G3BP1: variants seen among roughly 807,000 people sequenced by gnomAD.
G3BP1 encodes ras GTPase-activating protein-binding protein 1.
In G3BP1, 35 loss-of-function variants were observed where a neutral mutation model predicts 58.6. The observed-to-expected ratio is 0.60, with a 90% confidence interval of 0.46 to 0.79. The LOEUF (loss-of-function observed/expected upper bound fraction) is 0.79. G3BP1 is among the 30% of genes least tolerant of loss of function. The pLI is 0.00. For missense variants in G3BP1, 523 were observed against 580.8 expected, an observed-to-expected ratio of 0.90 and a Z score of 1.02; for synonymous variants, 191 against 195.4, an observed-to-expected ratio of 0.98 and a Z score of 0.19.
At position 151,799,236 on chromosome 5, in the gene G3BP1, A is replaced by C; in HGVS notation, c.766A>C (p.Ser256Arg). The change falls in exon 8 of 12, where the codon AGT becomes CGT. Residue 256 changes from serine to arginine, a missense_variant. Physicochemically the swap from Ser to Arg is moderately radical, Grantham distance 110. Coordinates refer to ENST00000356245, the MANE Select transcript of G3BP1 (RefSeq NM_005754.3). ...GACATTTTCTTGGGCATCTGTGACCAGTAAGAATCTTCCACCCAGTGGAGC... is the reference window on the plus strand; with the variant it reads ...GACATTTTCTTGGGCATCTGTGACCCGTAAGAATCTTCCACCCAGTGGAGC... ...LRTFSWASVT[S>R]KNLPPSGAVP... The C allele has an allele frequency of 6.3e-7, 1 of 1,593,206 alleles. No homozygotes were observed. Among genetic ancestry groups the C allele is most frequent in the Non-Finnish European group, 8.6e-7 (1 of 1,160,914 alleles).
chr5:151,790,180 A>C, intron 2 of G3BP1, 143 bp from the exon 3 acceptor site: 1 of 459,726 alleles, frequency 2.2e-6, no homozygotes, highest in Non-Finnish European at 4.0e-6. Context: ...GCAATGAGCT[A>C]TGATTGCATC....
At chr5:151,797,546 TTTCAGGGAAATTTCTTAGATATTGA>T in intron 7 of G3BP1, 118 bp downstream of exon 7, 1 of 1,121,564 alleles carries the variant, frequency 8.9e-7, no homozygotes, top group Non-Finnish European at 1.2e-6. Context: ...TGGTGGTTCA[TTTCAGGGAAATTTCTTAGATATTGA>T]GCCATATGTT....
In G3BP1 at chr5:151,811,304, C is replaced by G. The variant is rs878987851; in HGVS notation, c.*7213C>G. The G allele has an allele frequency of 6.6e-6, 1 of 152,208 alleles. No individual in the cohort carries two copies. The highest frequency in any genetic ancestry group is 1.5e-5 in the Non-Finnish European group (1 of 68,036). The allele number at this position is 152,208 out of a possible 1,614,324, so 9.4% of individuals were successfully genotyped here. On this transcript the variant is annotated 3_prime_UTR_variant, in exon 12 of 12. Transcript: ENST00000356245. The stretch of plus-strand genomic sequence containing the variant: ...TTATGGGCAGGATCTGTGTCTGAGT[C>G]ATCTTTGTATCTTGCCTAGCACCTA...
intron 3 of G3BP1, 106 bp downstream of exon 3, chr5:151,790,510 A>G (rs1762632664): frequency 1.8e-6 from 1 of 550,700 alleles, no homozygotes; most frequent in African/African-American, 2.0e-5. Context: ...CCAGTTTCTC[A>G]ACTTTTTAGT....
chr5:151,792,313 A>G (rs1762673279), intron 4 of G3BP1: 1 of 227,610 alleles, frequency 4.4e-6, no homozygotes, highest in Non-Finnish European at 9.0e-6. Context: ...TTAGGATAGC[A>G]AACCTGAAAC....
At position 151,804,073 on chromosome 5, in the gene G3BP1, G is replaced by A. The variant is rs754990675; in HGVS notation, c.1383G>A (p.Gly461=). 79 of 1,606,608 alleles carry A rather than the reference G, an allele frequency of 4.9e-5. No individual in the cohort carries two copies. The highest frequency in any genetic ancestry group is 1.7e-4 in the Middle Eastern group (1 of 6,056). The part of the protein sequence containing the change: ...VQKPGFGVGR[G]LAPRQ Reference sequence around the variant, plus strand: ...AACCAGGATTTGGAGTGGGAAGGGGGCTTGCGCCACGGCAGTGAATCTTCA... The same window carrying A: ...AACCAGGATTTGGAGTGGGAAGGGGACTTGCGCCACGGCAGTGAATCTTCA... Residue 461 remains glycine, a synonymous_variant, in exon 12 of 12, where the codon GGG becomes GGA. Transcript: ENST00000356245.
Position 151,800,249 on chromosome 5 carries a change from A to T in G3BP1, c.987A>T (p.Glu329Asp). The T allele has an allele frequency of 6.2e-7, 1 of 1,612,764 alleles. No homozygotes were observed. Among genetic ancestry groups the T allele is most frequent in the Non-Finnish European group, 8.5e-7 (1 of 1,179,684 alleles). The change falls in exon 10 of 12, where the codon GAA becomes GAT. Residue 329 changes from glutamate to aspartate, a missense_variant. Physicochemically the swap from Glu to Asp is conservative, Grantham distance 45 (BLOSUM62 2). This residue lies in a region of G3BP1 where 398 missense variants were observed against 399.1 expected (regional missense o/e 1.00). Coordinates refer to ENST00000356245, the MANE Select transcript of G3BP1 (RefSeq NM_005754.3). ...IREAGEQGDI[E>D]PRRMVRHPDS... Reference sequence around the variant, plus strand: ...AGGCTGGTGAGCAAGGTGACATTGAACCCCGAAGAATGGTGAGACACCCTG... The same window carrying T: ...AGGCTGGTGAGCAAGGTGACATTGATCCCCGAAGAATGGTGAGACACCCTG...
rs1762924849 is a variant in G3BP1, at chr5:151,805,348, AATTT to A, written c.*1259_*1262del. On this transcript the variant is annotated 3_prime_UTR_variant, in exon 12 of 12. Transcript: ENST00000356245. ...TTTTATTAAAATATTTCTGGAAGAAAATTTAATCTGGCAATATAGACTAATACTC... is the reference window on the plus strand; with the variant it reads ...TTTTATTAAAATATTTCTGGAAGAAAAATCTGGCAATATAGACTAATACTC... The A allele has an allele frequency of 6.6e-6, 1 of 152,540 alleles. No homozygotes were observed. The highest frequency in any genetic ancestry group is 6.6e-5 in the Admixed American group (1 of 15,266). 9.4% of individuals were successfully genotyped at this position (152,540 alleles called of 1,614,324 possible).
Position 151,788,202 on chromosome 5 carries a change from G to GT in G3BP1, c.95+1496dup, listed in dbSNP as rs145497146. 7.9e-3 allele frequency among the ~76,000 whole-genome samples: 1,196 copies of GT among 150,944 alleles called. 101 individuals are homozygous for GT. The East Asian group carries it at 0.17, about 22-fold the overall frequency. On this transcript the variant is annotated intron_variant, in intron 2 of 11. Transcript: ENST00000356245. ...ATACTGGGATTACAGGTGTAATTGGGTTTTTTTTTAAGGCTTTAAAATTTC... is the reference window on the plus strand; with the variant it reads ...ATACTGGGATTACAGGTGTAATTGGGTTTTTTTTTTAAGGCTTTAAAATTTC...
At chr5:151,776,354 C>G (rs974571384) in intron 1 of G3BP1, among the ~76,000 whole-genome samples, 2 of 152,228 alleles carry the variant, frequency 1.3e-5, no homozygotes, top group South Asian at 4.2e-4. Context: ...TCCTTAGATG[C>G]TAGTCACCAA....
intron 4 of G3BP1, among the ~76,000 whole-genome samples, chr5:151,793,000 T>C (rs141458354): frequency 1.2e-3 from 189 of 152,294 alleles, no homozygotes; most frequent in Middle Eastern, 6.8e-3. Flanking sequence ...AGGTGTGTCT[T>C]ATACCTACTG....
chr5:151,785,619 C>A (rs1161940339), intron 1 of G3BP1, among the ~76,000 whole-genome samples: 3 of 152,094 alleles, frequency 2.0e-5, no homozygotes, highest in African/African-American at 7.2e-5. Context: ...TAATAGCTTA[C>A]AATAATTGGA....
At chr5:151,775,725 C>T (rs1762358809) in intron 1 of G3BP1, among the ~76,000 whole-genome samples, 1 of 152,236 alleles carries the variant, frequency 6.6e-6, no homozygotes, top group Non-Finnish European at 1.5e-5. Flanking sequence ...TGTAACATAT[C>T]TTTTCACGTG....
At chr5:151,794,823 T>C (rs1762723177) in intron 5 of G3BP1, among the ~76,000 whole-genome samples, 1 of 152,248 alleles carries the variant, frequency 6.6e-6, no homozygotes, top group Non-Finnish European at 1.5e-5. Flanking sequence ...TATTTTGTAA[T>C]ACAGTTTTAC....
intron 1 of G3BP1, among the ~76,000 whole-genome samples, chr5:151,775,521 A>G (rs1029719625): frequency 6.6e-6 from 1 of 152,208 alleles, no homozygotes; most frequent in Non-Finnish European, 1.5e-5. Flanking sequence ...TCTTAGAGGG[A>G]TTTTGAATCT....
At chr5:151,785,436 CCT>C (rs766481104) in intron 1 of G3BP1, among the ~76,000 whole-genome samples, 60 of 151,986 alleles carry the variant, frequency 3.9e-4, no homozygotes, top group Middle Eastern at 3.4e-3. Flanking sequence ...TTTGTCTACC[CCT>C]GTTTAAAAAA....
At chr5:151,791,494 T>C (rs1762651374) in intron 4 of G3BP1, 1 of 159,284 alleles carries the variant, frequency 6.3e-6, no homozygotes, top group Non-Finnish European at 1.4e-5. Flanking sequence ...CCTTAATCTT[T>C]TGTTTTTTTT....
chr5:151,786,570 A>G lies in G3BP1; in HGVS notation c.-49-2A>G, dbSNP rs1416561292. 1 of 1,113,120 alleles carries G rather than the reference A, an allele frequency of 9.0e-7. No individual in the cohort carries two copies. The highest frequency in any genetic ancestry group is 1.4e-6 in the Non-Finnish European group (1 of 723,744). The allele number at this position is 1,113,120 out of a possible 1,614,324, so 69.0% of individuals were successfully genotyped here. ...TCTTTTCCCCTGTGTTTGATCCTTC[A>G]GGTTTGGACATATTTGACTCTTTTC... On this transcript the variant is annotated splice_acceptor_variant, in intron 1 of 11. Transcript: ENST00000356245. LOFTEE classifies it low-confidence loss of function (5UTR_SPLICE).
At chr5:151,787,702 A>T (rs1762574558) in intron 2 of G3BP1, 1 of 230,414 alleles carries the variant, frequency 4.3e-6, no homozygotes, top group Non-Finnish European at 9.1e-6. Flanking sequence ...GAATAATTTC[A>T]TAGAAGTTTC....
Sources: allele counts gnomAD v4.1 joint callset (sites outside exome capture counted in the v4.1 genomes callset), GRCh38; gene constraint gnomAD v4.1.1; regional missense constraint gnomAD v4.1.1; transcripts MANE v1.5; gene names NCBI Gene and HGNC (gene_info 2026-07-23, HGNC 2026-07-21).